The following TAFA5 variants were observed in gnomAD, a reference collection of about 807,000 sequenced individuals.
TAFA5 encodes chemokine-like protein TAFA-5.
Under a neutral mutation model 15.3 loss-of-function variants are expected in TAFA5, and 6 were observed. That is an observed-to-expected ratio of 0.39 (90% CI 0.21 to 0.77). The LOEUF (loss-of-function observed/expected upper bound fraction) is 0.77. Ranked by LOEUF, TAFA5 falls within the 30% of genes least tolerant of loss-of-function variation. The pLI, the probability that TAFA5 is intolerant of heterozygous loss-of-function variation, is 0.41. For missense variants in TAFA5, 161 were observed against 193.1 expected (o/e 0.83, Z 0.98); for synonymous variants, 103 against 80.7 (o/e 1.28, Z -1.48).
intron 1 of TAFA5, among the ~76,000 whole-genome samples, chr22:48,596,542 C>T (rs1924769862): frequency 6.6e-6 from 1 of 152,142 alleles, no homozygotes; most frequent in Non-Finnish European, 1.5e-5. Context: ...TGGCAGTTTC[C>T]ATCTAGCCTC....
chr22:48,505,109 C>G (rs1227214401), intron 1 of TAFA5, among the ~76,000 whole-genome samples: 1 of 152,228 alleles, frequency 6.6e-6, no homozygotes, highest in Non-Finnish European at 1.5e-5. Flanking sequence ...CTACCTGCCA[C>G]TTGCTGTGGG....
intron 1 of TAFA5, among the ~76,000 whole-genome samples, chr22:48,621,292 A>G (rs1298911867): frequency 2.1e-5 from 3 of 141,004 alleles, no homozygotes; most frequent in African/African-American, 8.0e-5. Flanking sequence ...CCATCCATCC[A>G]TTTATCCATC....
At chr22:48,635,442 C>G (rs1244878441) in intron 1 of TAFA5, among the ~76,000 whole-genome samples, 2 of 152,234 alleles carry the variant, frequency 1.3e-5, no homozygotes, top group Admixed American at 6.5e-5. Flanking sequence ...AACCGTCTCC[C>G]AGTCCCTACC....
At chr22:48,523,759 T>A (rs1449065602) in intron 1 of TAFA5, among the ~76,000 whole-genome samples, 3 of 152,166 alleles carry the variant, frequency 2.0e-5, no homozygotes, top group African/African-American at 7.2e-5. Context: ...CAAGAGGCTT[T>A]AGTGGGAAGC....
At chr22:48,557,019 C>T (rs1188188117) in intron 1 of TAFA5, among the ~76,000 whole-genome samples, 2 of 152,100 alleles carry the variant, frequency 1.3e-5, no homozygotes, top group Non-Finnish European at 2.9e-5. Flanking sequence ...CCGGGCCTGG[C>T]GTGGTCACCA....
rs962232081 is a variant in TAFA5, at chr22:48,742,594, C to T, written c.391-7245C>T. On this transcript the variant is annotated intron_variant, in intron 3 of 3. Coordinates refer to ENST00000402357, the MANE Select transcript of TAFA5 (RefSeq NM_001082967.3). The surrounding 1 kb of genome is among the most constrained non-coding windows in gnomAD (Gnocchi z 6.2). ...AGACTGGGCAGCGTGATGGACCAGG[C>T]GACATGGTGGACCGGGCCGCATGGT... 3.9e-5 allele frequency among the ~76,000 whole-genome samples: 6 copies of T among 151,988 alleles called. No homozygotes were observed. Among genetic ancestry groups the T allele is most frequent in the African/African-American group, 1.5e-4 (6 of 41,348 alleles).
chr22:48,648,060 G>A (rs995786582), intron 2 of TAFA5, among the ~76,000 whole-genome samples: 27 of 152,188 alleles, frequency 1.8e-4, no homozygotes, highest in African/African-American at 5.5e-4. Context: ...GGTGTCGCTG[G>A]CCAGTGGCCC....
At chr22:48,491,659 C>T (rs1167791821) in intron 1 of TAFA5, among the ~76,000 whole-genome samples, 1 of 152,274 alleles carries the variant, frequency 6.6e-6, no homozygotes, top group East Asian at 1.9e-4. Context: ...CGTCAGCCCT[C>T]TCCCACCCTG....
rs1057467935 is a variant in TAFA5 at position 48,635,706 on chromosome 22, G to C, written c.113-10891G>C. On this transcript the variant is annotated intron_variant, in intron 1 of 3. Transcript: ENST00000402357. Reference sequence around the variant, plus strand: ...TCCCAGGCCTCTGCAGGTGCAGCCTGGGGACCTGCGAGAGAAGGAAGGGGT... The same window carrying C: ...TCCCAGGCCTCTGCAGGTGCAGCCTCGGGACCTGCGAGAGAAGGAAGGGGT... 2.6e-5 allele frequency among the ~76,000 whole-genome samples: 4 copies of C among 152,312 alleles called. No individual in the cohort carries two copies. The South Asian group carries it at 8.3e-4, about 32-fold the overall frequency.
At chr22:48,540,208 G>C (rs1239046365) in intron 1 of TAFA5, among the ~76,000 whole-genome samples, 2 of 152,178 alleles carry the variant, frequency 1.3e-5, no homozygotes, top group African/African-American at 4.8e-5. Context: ...GGTCACAAAG[G>C]TGTGTTTGAA....
chr22:48,664,097 C>T (rs1056851557), intron 2 of TAFA5, among the ~76,000 whole-genome samples: 2 of 152,126 alleles, frequency 1.3e-5, no homozygotes, highest in Non-Finnish European at 2.9e-5. Context: ...GTTATGGCCA[C>T]GGTGTATAAA....
intron 1 of TAFA5, among the ~76,000 whole-genome samples, chr22:48,523,554 C>T (rs943204510): frequency 2.6e-5 from 4 of 152,190 alleles, no homozygotes; most frequent in Non-Finnish European, 4.4e-5. Flanking sequence ...TTCACCCACA[C>T]GGGGCTTGGT....
intron 3 of TAFA5, among the ~76,000 whole-genome samples, chr22:48,748,166 G>A (rs1370535645): frequency 6.6e-6 from 1 of 152,254 alleles, no homozygotes; most frequent in African/African-American, 2.4e-5. Flanking sequence ...GCCCGCAGGT[G>A]AAGCAGGCAG....
At chr22:48,743,116 C>T (rs997087322) in intron 3 of TAFA5, among the ~76,000 whole-genome samples, 4 of 152,212 alleles carry the variant, frequency 2.6e-5, no homozygotes, top group African/African-American at 9.6e-5. Flanking sequence ...AACCCGTTCT[C>T]ACTGTTCTGG....
intron 1 of TAFA5, among the ~76,000 whole-genome samples, chr22:48,510,116 G>T (rs527591858): frequency 8.0e-4 from 122 of 152,210 alleles, no homozygotes; most frequent in African/African-American, 2.8e-3. Flanking sequence ...GAAATGCTTC[G>T]GGACATTGGT....
rs1172128315 is a variant in TAFA5, at chr22:48,490,071, C to A, written c.112+367C>A. Among the ~76,000 whole-genome samples, 2 of 152,032 alleles carry A rather than the reference C, an allele frequency of 1.3e-5. No homozygotes were observed. ...GGAGGCAGCCGCAGGTCGCGGAGGG[C>A]GGGCGGCGCTGCCGGGGTGTCTGCG... is the stretch of plus-strand genomic sequence containing the variant. On this transcript the variant is annotated intron_variant, in intron 1 of 3. Transcript: ENST00000402357. The surrounding 1 kb of genome is among the most constrained non-coding windows in gnomAD (Gnocchi z 5.8).
In TAFA5 at chr22:48,530,356, A is replaced by AG. The variant is rs1333757334; in HGVS notation, c.112+40656dup. ...GAGTGAAGGAACCTCTGGAGGGCAC[A>AG]GGGGCCATCACCTGCTGGAGCCCAG... On this transcript the variant is annotated intron_variant, in intron 1 of 3. Transcript: ENST00000402357. This position sits in a 1 kb window ranked among gnomAD's most constrained non-coding sequence, Gnocchi z 6.0. Among the ~76,000 whole-genome samples the AG allele has an allele frequency of 6.6e-6, 1 of 152,176 alleles. No individual in the cohort carries two copies. The highest frequency in any genetic ancestry group is 1.5e-5 in the Non-Finnish European group (1 of 68,024).
At chr22:48,580,245 C>G (rs1323998690) in intron 1 of TAFA5, among the ~76,000 whole-genome samples, 1 of 152,188 alleles carries the variant, frequency 6.6e-6, no homozygotes. Context: ...TGGCCCGTAA[C>G]AAGGGGCATG....
chr22:48,642,415 C>T (rs1926715570), intron 1 of TAFA5, among the ~76,000 whole-genome samples: 1 of 152,210 alleles, frequency 6.6e-6, no homozygotes, highest in African/African-American at 2.4e-5. Context: ...GCTCCTGACT[C>T]CTGGTGGGCC....
Sources: allele counts gnomAD v4.1 joint callset (sites outside exome capture counted in the v4.1 genomes callset), GRCh38; gene constraint gnomAD v4.1.1; non-coding constraint Gnocchi (gnomAD v3.1); transcripts MANE v1.5; gene names NCBI Gene and HGNC (gene_info 2026-07-23, HGNC 2026-07-21).